Variants in NPR1 observed in about 807,000 individuals in gnomAD.
NPR1 encodes natriuretic peptide receptor 1.
In NPR1, 57 loss-of-function variants were observed where a neutral mutation model predicts 116.9. The observed-to-expected ratio is 0.49, with a 90% CI of 0.39 to 0.61. The LOEUF is 0.61. NPR1 is among the 20% of genes least tolerant of loss of function. NPR1 has a pLI of 0.00. For synonymous variants in NPR1, 555 were observed against 601.6 expected (o/e 0.92, Z 1.13); for missense variants, 1,096 against 1,409.8 (o/e 0.78, Z 3.56).
chr1:153,692,996 A>G (rs764451611), intron 20 of NPR1, 110 bp from the exon 21 acceptor site: 2 of 860,052 alleles, frequency 2.3e-6, no homozygotes, highest in Non-Finnish European at 3.7e-6. Context: ...AGAGGGAGAG[A>G]GGGTACCTGT....
chr1:153,686,743 G>A lies in NPR1; in HGVS notation c.1856G>A (p.Ser619Asn), dbSNP rs1479667448. ...CTCACAGAGTACTGTCCCCGTGGGA[G>A]CCTGCAGGTGAGGGGGACAAGGGGT... ...CILTEYCPRG[S>N]LQDILENESI... The change falls in exon 11 of 22, where the codon AGC becomes AAC. Residue 619 changes from serine (S) to asparagine (N), a missense_variant. Coordinates refer to ENST00000368680, the MANE Select transcript of NPR1 (RefSeq NM_000906.4). The A allele has an allele frequency of 6.2e-7, 1 of 1,613,498 alleles. No individual in the cohort carries two copies. The highest frequency in any genetic ancestry group is 8.5e-7 in the Non-Finnish European group (1 of 1,179,656).
intron 20 of NPR1, among the ~76,000 whole-genome samples, chr1:153,691,241 C>A (rs1670101570): frequency 6.6e-6 from 1 of 152,222 alleles, no homozygotes; most frequent in Non-Finnish European, 1.5e-5. Context: ...TTGCAAGAAG[C>A]CTAGCACAAA....
In NPR1 at chr1:153,688,834, C is replaced by T. The variant is rs1183130526; in HGVS notation, c.2418-119C>T. Reference sequence around the variant, plus strand: ...CCCCGGTATCCTGCTATGCCCTCAACCCTGAGCGTCTCTAGAGACCTCACT... The same window carrying T: ...CCCCGGTATCCTGCTATGCCCTCAATCCTGAGCGTCTCTAGAGACCTCACT... On this transcript the variant is annotated intron_variant, in intron 15 of 21. Transcript: ENST00000368680. The T allele has an allele frequency of 6.3e-6, 8 of 1,264,562 alleles. No homozygotes were observed. The Admixed American group carries it at 1.1e-4, about 18-fold the overall frequency. The allele number at this position is 1,264,562 out of a possible 1,614,324, so 78.3% of individuals were successfully genotyped here.
chr1:153,684,997 G>T lies in NPR1; in HGVS notation c.1518G>T (p.Glu506Asp), dbSNP rs201716063. ...KMQLEKELAS[E>D]LWRVRWEDVE... The stretch of plus-strand genomic sequence containing the variant: ...AGCTGGAGAAGGAACTGGCCTCGGA[G>T]CTGTGGCGGGTGCGCTGGGAGGACG... The change falls in exon 8 of 22, where the codon GAG becomes GAT. Residue 506 changes from glutamate to aspartate, a missense_variant. Transcript: ENST00000368680. 6.2e-7 allele frequency: 1 copy of T among 1,614,102 alleles called. No individual in the cohort carries two copies. The highest frequency in any genetic ancestry group is 8.5e-7 in the Non-Finnish European group (1 of 1,179,972).
Position 153,679,216 on chromosome 1 carries a change from G to T in NPR1, c.108G>T (p.Thr36=). 1.3e-6 allele frequency: 2 copies of T among 1,521,904 alleles called. No homozygotes were observed. The highest frequency in any genetic ancestry group is 1.8e-6 in the Non-Finnish European group (2 of 1,139,440). 94.3% of individuals were successfully genotyped at this position (1,521,904 alleles called of 1,614,324 possible). Residue 36 remains threonine, a synonymous_variant, in exon 1 of 22, where the codon ACG becomes ACT. Coordinates refer to ENST00000368680, the MANE Select transcript of NPR1 (RefSeq NM_000906.4). The surrounding 1 kb of genome is among the most constrained non-coding windows in gnomAD (Gnocchi z 4.2). The part of the protein sequence containing the change: ...LLRGSHAGNL[T]VAVVLPLANT... ...GGGGCAGCCACGCGGGCAACCTGACGGTAGCCGTGGTACTGCCGCTGGCCA... is the reference window on the plus strand; with the variant it reads ...GGGGCAGCCACGCGGGCAACCTGACTGTAGCCGTGGTACTGCCGCTGGCCA...
Position 153,679,645 on chromosome 1 carries a change from G to A in NPR1, c.537G>A (p.Glu179=). 1 of 1,600,852 alleles carries A rather than the reference G, an allele frequency of 6.2e-7. No homozygotes were observed. The change falls in exon 1 of 22, where the codon GAG becomes GAA. Residue 179 remains glutamate (E), a synonymous_variant. Transcript: ENST00000368680. This position sits in a 1 kb window ranked among gnomAD's most constrained non-coding sequence, Gnocchi z 4.2. ...VAALHRRLGW[E]RQALMLYAYR... The stretch of plus-strand genomic sequence containing the variant: ...CGCTGCACCGACGGCTGGGCTGGGA[G>A]CGCCAAGCGCTCATGCTCTACGCCT...
chr1:153,679,045 G>A lies in NPR1; in HGVS notation c.-64G>A. On this transcript the variant is annotated 5_prime_UTR_variant, in exon 1 of 22. An upstream open reading frame in the 5' UTR loses its in-frame stop. Transcript: ENST00000368680. This position sits in a 1 kb window ranked among gnomAD's most constrained non-coding sequence, Gnocchi z 4.2. Reference sequence around the variant, plus strand: ...CGCCTGATGCCTGGGACCGGCCGCTGAGCCCAAGGGGACCGAGGAGGCCAT... The same window carrying A: ...CGCCTGATGCCTGGGACCGGCCGCTAAGCCCAAGGGGACCGAGGAGGCCAT... 1.5e-6 allele frequency: 2 copies of A among 1,372,562 alleles called. No individual in the cohort carries two copies. The highest frequency in any genetic ancestry group is 1.5e-5 in the African/African-American group (1 of 65,092). 85.0% of individuals were successfully genotyped at this position (1,372,562 alleles called of 1,614,324 possible). A position where few individuals can be genotyped will look rare whatever the true frequency, so the allele number is the denominator to read the frequency against.
Position 153,678,919 on chromosome 1 carries a change from C to G in NPR1, c.-190C>G. The stretch of plus-strand genomic sequence containing the variant: ...CGGCGCCCTGCGCGCCCCCCTCGGT[C>G]GCGCCCCTTGCGCTCTCGGCCCAGA... On this transcript the variant is annotated 5_prime_UTR_variant, in exon 1 of 22. Coordinates refer to ENST00000368680, the MANE Select transcript of NPR1 (RefSeq NM_000906.4). The surrounding 1 kb of genome is among the most constrained non-coding windows in gnomAD (Gnocchi z 5.8). The G allele has an allele frequency of 5.4e-6, 4 of 747,564 alleles. No individual in the cohort carries two copies. The highest frequency in any genetic ancestry group is 1.9e-6 in the Non-Finnish European group (1 of 515,286). 46.3% of individuals were successfully genotyped at this position (747,564 alleles called of 1,614,324 possible).
chr1:153,679,874 T>C lies in NPR1; in HGVS notation c.721+45T>C. 3.3e-6 allele frequency: 5 copies of C among 1,528,640 alleles called. No homozygotes were observed. Among genetic ancestry groups the C allele is most frequent in the Non-Finnish European group, 4.4e-6 (5 of 1,144,210 alleles). 94.7% of individuals were successfully genotyped at this position (1,528,640 alleles called of 1,614,324 possible). The stretch of plus-strand genomic sequence containing the variant: ...CGTCCCGCCGCTTAGCCGCAGGGCC[T>C]CCCCTCTGACCTGCCGGAGGCATCG... On this transcript the variant is annotated intron_variant, in intron 1 of 21. Transcript: ENST00000368680. This position sits in a 1 kb window ranked among gnomAD's most constrained non-coding sequence, Gnocchi z 4.2.
chr1:153,687,867 C>T, intron 14 of NPR1, 78 bp downstream of exon 14: 1 of 1,407,840 alleles, frequency 7.1e-7, no homozygotes, highest in South Asian at 1.4e-5. Flanking sequence ...CCCCTGGCAG[C>T]ACCACCACAC....
In NPR1 at chr1:153,679,646, C is replaced by G. The variant is rs867683314; in HGVS notation, c.538C>G (p.Arg180Gly). The change falls in exon 1 of 22, where the codon CGC becomes GGC. Residue 180 changes from arginine (R) to glycine (G), a missense_variant. Transcript: ENST00000368680. This position sits in a 1 kb window ranked among gnomAD's most constrained non-coding sequence, Gnocchi z 4.2. ...AALHRRLGWE[R>G]QALMLYAYRP... ...GCTGCACCGACGGCTGGGCTGGGAG[C>G]GCCAAGCGCTCATGCTCTACGCCTA... 6.2e-7 allele frequency: 1 copy of G among 1,600,460 alleles called. No homozygotes were observed.
chr1:153,680,997 A>C, intron 2 of NPR1, 183 bp from the exon 3 acceptor site: 1 of 600,362 alleles, frequency 1.7e-6, no homozygotes, highest in Middle Eastern at 3.5e-4. Flanking sequence ...GACTTGGAGA[A>C]GGCATCCCAT....
intron 5 of NPR1, among the ~76,000 whole-genome samples, chr1:153,682,884 C>T (rs1396218560): frequency 6.6e-6 from 1 of 152,206 alleles, no homozygotes; most frequent in Non-Finnish European, 1.5e-5. Context: ...AGAGACAGGG[C>T]TGTGAAAGAT....
intron 20 of NPR1, among the ~76,000 whole-genome samples, chr1:153,690,868 G>A (rs546256704): frequency 6.7e-6 from 1 of 149,790 alleles, no homozygotes; most frequent in South Asian, 2.1e-4. Flanking sequence ...GCTTGAACCC[G>A]GGAGGCAGAG....
rs748008857 is a variant in NPR1 at position 153,686,650 on chromosome 1, G to A, written c.1763G>A (p.Arg588Gln). The A allele has an allele frequency of 7.4e-6, 12 of 1,613,328 alleles. No individual in the cohort carries two copies. The highest frequency in any genetic ancestry group is 4.0e-5 in the African/African-American group (3 of 74,986). The change falls in exon 11 of 22, where the codon CGG (arginine) becomes CAG (glutamine). Residue 588 changes from arginine to glutamine, a missense_variant. Coordinates refer to ENST00000368680, the MANE Select transcript of NPR1 (RefSeq NM_000906.4). ...TGATGCTGGTCCCACTTGCAGATGC[G>A]GGATGTGCAGAATGAACACCTGACC... ...RKVLFELKHM[R>Q]DVQNEHLTRF...
At position 153,687,086 on chromosome 1, in the gene NPR1, AG is replaced by A; in HGVS notation, c.1935+1del. The A allele has an allele frequency of 1.2e-6, 2 of 1,614,128 alleles. No individual in the cohort carries two copies. The highest frequency in any genetic ancestry group is 1.7e-6 in the Non-Finnish European group (2 of 1,179,978). ...TACTCACTCACCAATGACATCGTCA[AG>A]GTATGCCCCTAAGCACCTATTGGAT... ...FRYSLTNDIV[K>X]GMLFLHNGAI... On this transcript the variant is annotated frameshift_variant and splice_region_variant, in exon 12 of 22. Coordinates refer to ENST00000368680, the MANE Select transcript of NPR1 (RefSeq NM_000906.4). LOFTEE classifies it high-confidence loss of function.
chr1:153,688,224 C>A lies in NPR1; in HGVS notation c.2417+3C>A. 1 of 1,612,490 alleles carries A rather than the reference C, an allele frequency of 6.2e-7. No individual in the cohort carries two copies. The highest frequency in any genetic ancestry group is 1.1e-5 in the South Asian group (1 of 90,950). On this transcript the variant is annotated splice_donor_region_variant and intron_variant, in intron 15 of 21. Coordinates refer to ENST00000368680, the MANE Select transcript of NPR1 (RefSeq NM_000906.4). ...CTGACGTTGCGCAAATTTAACAGGTCCCTGGTGTTTGTCATGGATCCCCCA... is the reference window on the plus strand; with the variant it reads ...CTGACGTTGCGCAAATTTAACAGGTACCTGGTGTTTGTCATGGATCCCCCA...
Position 153,678,942 on chromosome 1 carries a change from A to G in NPR1, c.-167A>G. 1 of 939,198 alleles carries G rather than the reference A, an allele frequency of 1.1e-6. No individual in the cohort carries two copies. Among genetic ancestry groups the G allele is most frequent in the Non-Finnish European group, 1.5e-6 (1 of 686,888 alleles). 58.2% of individuals were successfully genotyped at this position (939,198 alleles called of 1,614,324 possible). A position where few individuals can be genotyped will look rare whatever the true frequency, so the allele number is the denominator to read the frequency against. On this transcript the variant is annotated 5_prime_UTR_variant, in exon 1 of 22. Transcript: ENST00000368680. This position sits in a 1 kb window ranked among gnomAD's most constrained non-coding sequence, Gnocchi z 5.8. ...GTCGCGCCCCTTGCGCTCTCGGCCC[A>G]GACCGTCGCAGCTACAGGGGGCCTC... is the stretch of plus-strand genomic sequence containing the variant.
intron 10 of NPR1, 24 bp downstream of exon 10, chr1:153,686,224 G>T: frequency 6.2e-7 from 1 of 1,609,558 alleles, no homozygotes; most frequent in Admixed American, 1.7e-5. Flanking sequence ...TGAGGCAGTG[G>T]CATGGAGAAG....
Sources: allele counts gnomAD v4.1 joint callset (sites outside exome capture counted in the v4.1 genomes callset), GRCh38; gene constraint gnomAD v4.1.1; non-coding constraint Gnocchi (gnomAD v3.1); transcripts MANE v1.5; gene names NCBI Gene and HGNC (gene_info 2026-07-23, HGNC 2026-07-21).